The following SMARCAL1 variants were observed in gnomAD, a reference collection of about 807,000 sequenced individuals.
SMARCAL1 encodes the protein SNF2 related chromatin remodeling annealing helicase 1.
Under a neutral mutation model 94.5 loss-of-function variants are expected in SMARCAL1, and 58 were observed. The ratio of observed to expected loss-of-function variants is 0.61; its 90% CI spans 0.50 to 0.76. The LOEUF (loss-of-function observed/expected upper bound fraction) is 0.76, where lower values mean the gene tolerates loss of function less well. SMARCAL1 is among the 30% of genes least tolerant of loss of function. The pLI, the probability that SMARCAL1 is intolerant of heterozygous loss-of-function variation, is 0.00. For missense variants in SMARCAL1, 1,051 were observed against 1,177.9 expected, an observed-to-expected ratio of 0.89 and a Z score of 1.58; for synonymous variants, 422 against 455.1, an observed-to-expected ratio of 0.93 and a Z score of 0.93.
At chr2:216,452,618 C>G (rs1559132323) in intron 12 of SMARCAL1, among the ~76,000 whole-genome samples, 1 of 147,914 alleles carries the variant, frequency 6.8e-6, no homozygotes, top group Non-Finnish European at 1.5e-5. Flanking sequence ...TTGAGAACAG[C>G]CAAGGTAGAC....
intron 11 of SMARCAL1, 111 bp downstream of exon 11, chr2:216,447,269 G>T: frequency 7.5e-7 from 1 of 1,331,072 alleles, no homozygotes; most frequent in Non-Finnish European, 1.1e-6. Context: ...CACTGGCCAG[G>T]GGAATGGATT....
At chr2:216,424,466 C>A (rs917516211) in intron 6 of SMARCAL1, among the ~76,000 whole-genome samples, 1 of 152,176 alleles carries the variant, frequency 6.6e-6, no homozygotes, top group Admixed American at 6.5e-5. Context: ...GTTGGGCCTC[C>A]CAAACCAAGG....
intron 9 of SMARCAL1, 136 bp from the exon 10 acceptor site, chr2:216,438,284 G>A (rs1464394753): frequency 1.3e-6 from 1 of 755,764 alleles, no homozygotes; most frequent in African/African-American, 1.7e-5. Flanking sequence ...GGCCCAGTGA[G>A]CCATCTCCTT....
rs747399047 is a variant in SMARCAL1, at chr2:216,414,824, C to G, written c.120C>G (p.Thr40=). 1.9e-6 allele frequency: 3 copies of G among 1,614,084 alleles called. No homozygotes were observed. Among genetic ancestry groups the G allele is most frequent in the African/African-American group, 1.3e-5 (1 of 74,932 alleles). Residue 40 remains threonine (T), a synonymous_variant, in exon 3 of 18, where the codon ACC becomes ACG. Transcript: ENST00000357276. The part of the protein sequence containing the change: ...AEQHQRTSSG[T]SIAGNPFQAK... ...AGCATCAGAGGACTAGCTCGGGCACCTCCATTGCTGGCAACCCATTCCAGG... is the reference window on the plus strand; with the variant it reads ...AGCATCAGAGGACTAGCTCGGGCACGTCCATTGCTGGCAACCCATTCCAGG...
chr2:216,479,513 ACT>A (rs1490341520), intron 17 of SMARCAL1, among the ~76,000 whole-genome samples: 1 of 151,780 alleles, frequency 6.6e-6, no homozygotes, highest in African/African-American at 2.4e-5. Flanking sequence ...AAGACTTAAG[ACT>A]CTGTGGATCT....
At chr2:216,448,548 C>T (rs775781877) in intron 11 of SMARCAL1, among the ~76,000 whole-genome samples, 125 of 152,184 alleles carry the variant, frequency 8.2e-4, no homozygotes, top group Middle Eastern at 3.2e-3. Context: ...CTTCTTGATA[C>T]ACCTCCCCAA....
intron 12 of SMARCAL1, among the ~76,000 whole-genome samples, chr2:216,452,180 G>T (rs150976966): frequency 6.6e-6 from 1 of 152,072 alleles, no homozygotes; most frequent in East Asian, 1.9e-4. Flanking sequence ...AAACAACATC[G>T]ATGTAGACAT....
chr2:216,428,372 C>CA (rs1265988376), intron 6 of SMARCAL1, among the ~76,000 whole-genome samples: 2 of 152,292 alleles, frequency 1.3e-5, no homozygotes, highest in East Asian at 3.9e-4. Flanking sequence ...TTTCAAAAAG[C>CA]AAGGTCAGTG....
Position 216,415,037 on chromosome 2 carries a change from C to T in SMARCAL1, c.333C>T (p.His111=), listed in dbSNP as rs2106014658. Residue 111 remains histidine (H), a synonymous_variant, in exon 3 of 18, where the codon CAC becomes CAT. Coordinates refer to ENST00000357276, the MANE Select transcript of SMARCAL1 (RefSeq NM_014140.4). The part of the protein sequence containing the change: ...PEEMPTACPG[H]SPRSQMALTG... ...AAATGCCCACAGCCTGCCCAGGCCA[C>T]AGTCCACGTAGTCAAATGGCTCTCA... 6.2e-7 allele frequency: 1 copy of T among 1,614,208 alleles called. No individual in the cohort carries two copies. Among genetic ancestry groups the T allele is most frequent in the Non-Finnish European group, 8.5e-7 (1 of 1,180,038 alleles).
chr2:216,478,245 G>A lies in SMARCAL1; in HGVS notation c.2571G>A (p.Gly857=). 1 of 1,614,192 alleles carries A rather than the reference G, an allele frequency of 6.2e-7. No individual in the cohort carries two copies. The highest frequency in any genetic ancestry group is 1.1e-5 in the South Asian group (1 of 91,078). The change falls in exon 17 of 18, where the codon GGG becomes GGA. Residue 857 remains glycine, a synonymous_variant. Transcript: ENST00000357276. The part of the protein sequence containing the change: ...QEKIKVLAEA[G]LSETNFSEMT... The stretch of plus-strand genomic sequence containing the variant: ...AGATTAAAGTTCTGGCAGAAGCCGG[G>A]CTTTCTGAGACCAATTTTTCAGAAA...
rs1694433340 is a variant in SMARCAL1 at position 216,450,839 on chromosome 2, T to C, written c.1852-7T>C. ...TCATGGGGCTGTCGCTGTCTTGTTC[T>C]CTGCAGATGCCTTGGGGGTGGGACT... On this transcript the variant is annotated splice_polypyrimidine_tract_variant and splice_region_variant and intron_variant, in intron 11 of 17. Coordinates refer to ENST00000357276, the MANE Select transcript of SMARCAL1 (RefSeq NM_014140.4). 1.2e-6 allele frequency: 2 copies of C among 1,612,200 alleles called. No homozygotes were observed. Among genetic ancestry groups the C allele is most frequent in the African/African-American group, 1.3e-5 (1 of 74,914 alleles).
chr2:216,461,299 C>T (rs896579282), intron 12 of SMARCAL1, among the ~76,000 whole-genome samples: 1 of 151,760 alleles, frequency 6.6e-6, no homozygotes, highest in Admixed American at 6.6e-5. Context: ...ATCTTTTATA[C>T]AACCATAATT....
At chr2:216,451,156 A>C (rs1408034242) in intron 12 of SMARCAL1, 92 bp downstream of exon 12, 1 of 1,037,590 alleles carries the variant, frequency 9.6e-7, no homozygotes, top group Non-Finnish European at 1.5e-6. Context: ...GCATTCTCTC[A>C]GCTTTCCTTT....
At chr2:216,481,740 G>A (rs1360689046) in intron 17 of SMARCAL1, among the ~76,000 whole-genome samples, 5 of 152,062 alleles carry the variant, frequency 3.3e-5, no homozygotes, top group African/African-American at 7.2e-5. Flanking sequence ...CCTGACCTCA[G>A]GCGATCCATC....
intron 6 of SMARCAL1, among the ~76,000 whole-genome samples, chr2:216,424,491 G>A (rs1450432896): frequency 6.6e-6 from 1 of 152,178 alleles, no homozygotes; most frequent in East Asian, 1.9e-4. Flanking sequence ...AGTCATTTGT[G>A]GGTACCAATC....
At position 216,453,308 on chromosome 2, in the gene SMARCAL1, G is replaced by A. The variant is rs145199127; in HGVS notation, c.2070+2244G>A. Among the ~76,000 whole-genome samples the A allele has an allele frequency of 1.7e-3, 257 of 152,368 alleles. 4 individuals are homozygous for A. The East Asian group carries it at 0.025, about 15-fold the overall frequency. The stretch of plus-strand genomic sequence containing the variant: ...ATTGAGTTGGTACAGATTACCATCA[G>A]TGTGATGGCTGAAGCCAGACACTAA... On this transcript the variant is annotated intron_variant, in intron 12 of 17. Transcript: ENST00000357276.
intron 8 of SMARCAL1, among the ~76,000 whole-genome samples, chr2:216,435,048 G>C (rs1007778241): frequency 1.3e-5 from 2 of 151,910 alleles, no homozygotes; most frequent in East Asian, 1.9e-4. Flanking sequence ...AGTAGAGATG[G>C]GATTTCTCCG....
chr2:216,428,837 C>G (rs187051231), intron 7 of SMARCAL1, 55 bp downstream of exon 7: 1 of 1,456,312 alleles, frequency 6.9e-7, no homozygotes, highest in East Asian at 2.3e-5. Context: ...CATTACTCAC[C>G]ACAGACTGCA....
At chr2:216,458,527 C>G (rs1694623012) in intron 12 of SMARCAL1, among the ~76,000 whole-genome samples, 1 of 152,176 alleles carries the variant, frequency 6.6e-6, no homozygotes, top group Admixed American at 6.5e-5. Context: ...GCTGGTTCAA[C>G]ATACGCAAAT....
Sources: gnomAD v4.1 joint callset for allele counts (sites outside exome capture counted in the v4.1 genomes callset) on GRCh38, gnomAD v4.1.1 for gene constraint, MANE v1.5 for transcripts, NCBI Gene and HGNC (gene_info 2026-07-23, HGNC 2026-07-21) for gene names.